MBNL1: variants seen among roughly 807,000 people sequenced by gnomAD.
MBNL1 encodes muscleblind like splicing regulator 1, also known as muscleblind-like protein 1.
Under a neutral mutation model 42.2 loss-of-function variants are expected in MBNL1, and 8 were observed. The observed-to-expected ratio is 0.19, with a 90% CI of 0.11 to 0.34. The LOEUF (loss-of-function observed/expected upper bound fraction) is 0.34, where lower values mean the gene tolerates loss of function less well. MBNL1 is among the 10% of genes least tolerant of loss of function. The pLI, the probability that MBNL1 is intolerant of heterozygous loss-of-function variation, is 1.00. For synonymous variants in MBNL1, 169 were observed against 173.9 expected (o/e 0.97, Z 0.22); for missense variants, 309 against 495.3 (o/e 0.62, Z 3.57).
intron 2 of MBNL1, among the ~76,000 whole-genome samples, chr3:152,306,176 A>T (rs1346933295): frequency 6.6e-6 from 1 of 152,184 alleles, no homozygotes; most frequent in Non-Finnish European, 1.5e-5. Context: ...GATCTTAAAT[A>T]TGTCTTTCCA....
intron 2 of MBNL1, among the ~76,000 whole-genome samples, chr3:152,412,361 G>A (rs2098601248): frequency 6.6e-6 from 1 of 151,992 alleles, no homozygotes; most frequent in Non-Finnish European, 1.5e-5. Context: ...GAATCACCTG[G>A]AATGCTTGTT....
intron 4 of MBNL1, among the ~76,000 whole-genome samples, chr3:152,434,425 G>C (rs759243694): frequency 1.2e-4 from 18 of 152,284 alleles, no homozygotes; most frequent in Non-Finnish European, 1.9e-4. Flanking sequence ...TGGTGTATAT[G>C]TACCACATTT....
chr3:152,359,467 C>CA lies in MBNL1; in HGVS notation c.175-55473dup, dbSNP rs1450246233. 2.0e-5 allele frequency among the ~76,000 whole-genome samples: 3 copies of CA among 152,128 alleles called. No individual in the cohort carries two copies. The East Asian group carries it at 5.8e-4, about 29-fold the overall frequency. On this transcript the variant is annotated intron_variant, in intron 2 of 9. Coordinates refer to ENST00000324210, the MANE Select transcript of MBNL1 (RefSeq NM_021038.5). ...GCTCTTATGGGGGTGGGGAAGGAGA[C>CA]ACTGATTTGTCAGGTTTGCTGATTT...
intron 8 of MBNL1, 40 bp from the exon 9 acceptor site, chr3:152,459,231 C>T: frequency 1.7e-6 from 2 of 1,151,736 alleles, no homozygotes; most frequent in Admixed American, 2.3e-5. Flanking sequence ...TGTTGGCTTG[C>T]TTGCATGGAT....
At chr3:152,278,792 A>G (rs1252427225) in intron 1 of MBNL1, among the ~76,000 whole-genome samples, 1 of 152,032 alleles carries the variant, frequency 6.6e-6, no homozygotes, top group Non-Finnish European at 1.5e-5. Context: ...TCAGTTAACA[A>G]ACATATTCTG....
chr3:152,364,416 G>A (rs2096227723), intron 2 of MBNL1, among the ~76,000 whole-genome samples: 1 of 152,034 alleles, frequency 6.6e-6, no homozygotes, highest in African/African-American at 2.4e-5. Context: ...CATATGTAAG[G>A]CATGGTGGAA....
chr3:152,399,419 C>G (rs992070292), intron 2 of MBNL1, among the ~76,000 whole-genome samples: 1 of 152,154 alleles, frequency 6.6e-6, no homozygotes, highest in Non-Finnish European at 1.5e-5. Context: ...TACTGTATTT[C>G]TGACCTAGAT....
intron 2 of MBNL1, among the ~76,000 whole-genome samples, chr3:152,332,692 T>TTTTGTG (rs2085645660): frequency 2.3e-5 from 3 of 132,998 alleles, no homozygotes; most frequent in Non-Finnish European, 1.6e-5. Context: ...TTTCATGGTT[T>TTTTGTG]TGTGTGTGTG....
At chr3:152,392,863 A>T (rs1198681917) in intron 2 of MBNL1, among the ~76,000 whole-genome samples, 1 of 152,206 alleles carries the variant, frequency 6.6e-6, no homozygotes, top group Non-Finnish European at 1.5e-5. Flanking sequence ...CCTGAGAAGT[A>T]TTCTGAGTAG....
Position 152,269,404 on chromosome 3 carries a change from A to G in MBNL1, c.-790+312A>G, listed in dbSNP as rs1388248073. 4.4e-5 allele frequency: 17 copies of G among 383,504 alleles called. 1 individual carries two copies. The highest frequency in any genetic ancestry group is 2.4e-4 in the South Asian group (13 of 54,360). The allele number at this position is 383,504 out of a possible 1,614,324, so 23.8% of individuals were successfully genotyped here. A position where few individuals can be genotyped will look rare whatever the true frequency, so the allele number is the denominator to read the frequency against. On this transcript the variant is annotated intron_variant, in intron 1 of 9. Coordinates refer to ENST00000324210, the MANE Select transcript of MBNL1 (RefSeq NM_021038.5). ...GAGAAACAGGGGGGCGAGAAGAGAA[A>G]CAGGTGCGTGCAAGTGTACTCACAA...
intron 2 of MBNL1, among the ~76,000 whole-genome samples, chr3:152,345,566 A>G (rs1310991262): frequency 6.6e-6 from 1 of 152,170 alleles, no homozygotes; most frequent in Non-Finnish European, 1.5e-5. Context: ...AGCCAAATAA[A>G]TATTTTTAAA....
intron 2 of MBNL1, among the ~76,000 whole-genome samples, chr3:152,402,882 A>G (rs960910076): frequency 2.0e-5 from 3 of 152,186 alleles, no homozygotes; most frequent in African/African-American, 7.2e-5. Context: ...GGCCTGATAT[A>G]GACTGTGGGC....
At chr3:152,339,719 T>C (rs1192654924) in intron 2 of MBNL1, 1 of 152,180 alleles carries the variant, frequency 6.6e-6, no homozygotes, top group Non-Finnish European at 1.5e-5. Context: ...GCAACTTAAT[T>C]TTTAAAAATG....
At chr3:152,288,431 G>A (rs559561049) in intron 1 of MBNL1, among the ~76,000 whole-genome samples, 26 of 152,238 alleles carry the variant, frequency 1.7e-4, no homozygotes, top group African/African-American at 6.3e-4. Flanking sequence ...GCCTACATGA[G>A]TTTTCCAGAG....
chr3:152,397,175 A>G (rs2097996807), intron 2 of MBNL1, among the ~76,000 whole-genome samples: 1 of 152,164 alleles, frequency 6.6e-6, no homozygotes, highest in African/African-American at 2.4e-5. Context: ...ATTCCATTCT[A>G]AGACTTGTTA....
intron 2 of MBNL1, among the ~76,000 whole-genome samples, chr3:152,393,780 A>G (rs952949818): frequency 7.2e-5 from 11 of 152,186 alleles, no homozygotes. Flanking sequence ...CATTGTGGAT[A>G]TATGTTCCCC....
At chr3:152,338,768 C>T in intron 2 of MBNL1, 3 of 866,064 alleles carry the variant, frequency 3.5e-6, no homozygotes. Flanking sequence ...AAAGAATGTC[C>T]TTGGGAAACT....
At chr3:152,439,155 G>T (rs1469366875) in intron 4 of MBNL1, among the ~76,000 whole-genome samples, 1 of 152,130 alleles carries the variant, frequency 6.6e-6, no homozygotes, top group Non-Finnish European at 1.5e-5. Flanking sequence ...CATTACACAA[G>T]TTTCTAATTT....
chr3:152,261,839 T>C (rs2036343988), intron 2 of MBNL1, among the ~76,000 whole-genome samples: 1 of 152,192 alleles, frequency 6.6e-6, no homozygotes. Context: ...TTTTTCTGAC[T>C]TTCTTTCTGC....
Sources: allele counts gnomAD v4.1 joint callset (sites outside exome capture counted in the v4.1 genomes callset), GRCh38; gene constraint gnomAD v4.1.1; transcripts MANE v1.5; gene names NCBI Gene and HGNC (gene_info 2026-07-23, HGNC 2026-07-21).